AKTIP: variants seen among roughly 807,000 people sequenced by gnomAD.
AKTIP encodes AKT interacting protein, also known as AKT-interacting protein.
A neutral mutation model predicts 39.1 loss-of-function variants in AKTIP; 16 were observed. That is an observed-to-expected ratio of 0.41 (90% CI 0.28 to 0.62). The LOEUF is 0.62. AKTIP is among the 20% of genes least tolerant of loss of function. AKTIP has a pLI of 0.32. For synonymous variants in AKTIP, 93 were observed against 124.3 expected (o/e 0.75, Z 1.67); for missense variants, 262 against 356.6 (o/e 0.73, Z 2.14).
At chr16:53,503,573 T>C (rs1043254521), upstream of AKTIP, among the ~76,000 whole-genome samples, 5 of 152,158 alleles carry the variant, frequency 3.3e-5, no homozygotes, top group Non-Finnish European at 4.4e-5. Flanking sequence ...GGCCAGGGCG[T>C]CTGCCAGTCA....
chr16:53,503,621 A>C (rs1962320019), upstream of AKTIP, among the ~76,000 whole-genome samples: 1 of 152,204 alleles, frequency 6.6e-6, no homozygotes, highest in Admixed American at 6.5e-5. Context: ...CGCACAGCCC[A>C]CAGCGCAACC....
Position 53,494,054 on chromosome 16 carries a change from T to C in AKTIP, c.710+84A>G. On this transcript the variant is annotated intron_variant, in intron 8 of 9. Transcript: ENST00000394657. ...CAGCTTATGCATGTGCCTTTTTATATCCCTATTCTGAGACCACCTGGAGAA... is the reference window on the plus strand; with the variant it reads ...CAGCTTATGCATGTGCCTTTTTATACCCCTATTCTGAGACCACCTGGAGAA... 2.8e-6 allele frequency: 3 copies of C among 1,060,820 alleles called. No individual in the cohort carries two copies. In the East Asian group the frequency reaches 7.1e-5, roughly 25 times the overall value. The allele number at this position is 1,060,820 out of a possible 1,614,324, so 65.7% of individuals were successfully genotyped here.
upstream of AKTIP, among the ~76,000 whole-genome samples, chr16:53,504,118 C>T (rs1403717238): frequency 6.8e-6 from 1 of 146,596 alleles, no homozygotes; most frequent in Non-Finnish European, 1.5e-5. Context: ...TTAATTCACA[C>T]GCTCTCATTT....
chr16:53,497,868 C>T (rs1961934944), intron 3 of AKTIP, among the ~76,000 whole-genome samples: 1 of 152,230 alleles, frequency 6.6e-6, no homozygotes. Context: ...TCTGCCTCAG[C>T]CTCCCGAGTA....
rs187699167 is a variant in AKTIP, at chr16:53,495,819, C to G, written c.249-493G>C. On this transcript the variant is annotated intron_variant, in intron 3 of 9. Transcript: ENST00000394657. ...ATTAAGATTTCTTGGAATTGGGTCA[C>G]AAAGTTGTCATTTTACATTTTAATC... Among the ~76,000 whole-genome samples the G allele has an allele frequency of 1.1e-4, 16 of 152,286 alleles. No individual in the cohort carries two copies. The East Asian group carries it at 2.7e-3, about 26-fold the overall frequency.
At chr16:53,495,773 T>C (rs1382525251) in intron 3 of AKTIP, among the ~76,000 whole-genome samples, 3 of 152,376 alleles carry the variant, frequency 2.0e-5, no homozygotes, top group South Asian at 4.1e-4. Flanking sequence ...TCAAAAACTT[T>C]TAAAATACAA....
chr16:53,498,424 G>T lies in AKTIP; in HGVS notation c.215C>A (p.Pro72His). The change falls in exon 3 of 10, where the codon CCC (proline) becomes CAC (histidine). Residue 72 changes from proline (P) to histidine (H), a missense_variant. Transcript: ENST00000394657. ...AAGAAGAGAGTATTCCAGGTAGAAG[G>T]GTCCATAGGACGCATGCGTGCCATT... is the stretch of plus-strand genomic sequence containing the variant. ...STNGTHASYG[P>H]FYLEYSLLAE... 6.2e-7 allele frequency: 1 copy of T among 1,613,948 alleles called. No individual in the cohort carries two copies. Among genetic ancestry groups the T allele is most frequent in the Non-Finnish European group, 8.5e-7 (1 of 1,179,852 alleles).
intron 3 of AKTIP, 129 bp from the exon 4 acceptor site, chr16:53,495,455 A>G (rs1217664636): frequency 1.3e-6 from 1 of 788,936 alleles, no homozygotes; most frequent in Non-Finnish European, 2.1e-6. Flanking sequence ...CCTGCAAGCC[A>G]AGTTCTCACA....
chr16:53,492,357 T>C lies in AKTIP; in HGVS notation c.*55A>G, dbSNP rs2150843504. ...GGCAGTCCTCTGCCATTGGTCAGCT[T>C]GAACTAGGCCAGAGTCTAGCAGGAA... On this transcript the variant is annotated 3_prime_UTR_variant, in exon 10 of 10. Coordinates refer to ENST00000394657, the MANE Select transcript of AKTIP (RefSeq NM_022476.4). The C allele has an allele frequency of 6.6e-7, 1 of 1,507,998 alleles. No homozygotes were observed. Among genetic ancestry groups the C allele is most frequent in the East Asian group, 2.3e-5 (1 of 44,314 alleles). The allele number at this position is 1,507,998 out of a possible 1,614,324, so 93.4% of individuals were successfully genotyped here.
intron 2 of AKTIP, 114 bp downstream of exon 2, chr16:53,500,104 A>C: frequency 1.4e-6 from 1 of 720,762 alleles, no homozygotes; most frequent in South Asian, 1.9e-5. Flanking sequence ...AAAACCAGGT[A>C]ATTTTGTCAA....
chr16:53,497,729 A>T (rs1278028579), intron 3 of AKTIP, among the ~76,000 whole-genome samples: 1 of 152,234 alleles, frequency 6.6e-6, no homozygotes, highest in Non-Finnish European at 1.5e-5. Context: ...ATAAACGAAG[A>T]CTAAATTTAT....
upstream of AKTIP, among the ~76,000 whole-genome samples, chr16:53,503,548 C>G (rs987334889): frequency 6.6e-6 from 1 of 152,222 alleles, no homozygotes; most frequent in African/African-American, 2.4e-5. Flanking sequence ...GACAAACAAG[C>G]GCCGGGTCAC....
intron 8 of AKTIP, 63 bp downstream of exon 8, chr16:53,494,075 G>A (rs1420162984): frequency 2.4e-6 from 3 of 1,265,492 alleles, no homozygotes; most frequent in Middle Eastern, 4.4e-4. Context: ...AGACCACCTG[G>A]AGAAAGGAAG....
chr16:53,494,233 A>C lies in AKTIP; in HGVS notation c.615T>G (p.Asp205Glu), dbSNP rs1313357996. ...CAACTTTACTTTTAAAAAGCTGAATATCTTTTTCATACCTGTGTTAAAAGT... is the reference window on the plus strand; with the variant it reads ...CAACTTTACTTTTAAAAAGCTGAATCTCTTTTTCATACCTGTGTTAAAAGT... The part of the protein sequence containing the change: ...NPEAAVLYEK[D>E]IQLFKSKVVD... The change falls in exon 8 of 10, where the codon GAT becomes GAG. Residue 205 changes from aspartate to glutamate, a missense_variant. Around this residue, in one of 4 missense-constraint regions of AKTIP, gnomAD observed 145 missense variants for 159.3 expected, o/e 0.91. Transcript: ENST00000394657. The C allele has an allele frequency of 4.3e-6, 7 of 1,614,136 alleles. No individual in the cohort carries two copies. The highest frequency in any genetic ancestry group is 5.9e-6 in the Non-Finnish European group (7 of 1,179,958).
rs569273132 is a variant in AKTIP, at chr16:53,491,223, T to A, written c.*1189A>T. 2.0e-5 allele frequency: 3 copies of A among 152,326 alleles called. No homozygotes were observed. Among genetic ancestry groups the A allele is most frequent in the East Asian group, 3.9e-4 (2 of 5,184 alleles). 9.4% of individuals were successfully genotyped at this position (152,326 alleles called of 1,614,324 possible). A position where few individuals can be genotyped will look rare whatever the true frequency, so the allele number is the denominator to read the frequency against. On this transcript the variant is annotated 3_prime_UTR_variant, in exon 10 of 10. Transcript: ENST00000394657. The stretch of plus-strand genomic sequence containing the variant: ...TATGAAAACTTATGACCTCTTCCTT[T>A]AGGAGGGAGTTATCTAAAAGAAATG...
intron 1 of AKTIP, among the ~76,000 whole-genome samples, chr16:53,500,673 C>T (rs916573366): frequency 5.9e-5 from 9 of 152,118 alleles, no homozygotes; most frequent in South Asian, 2.1e-4. Context: ...CCACCACGCC[C>T]GGCCAACAGT....
Sources: allele counts gnomAD v4.1 joint callset (sites outside exome capture counted in the v4.1 genomes callset), GRCh38; gene constraint gnomAD v4.1.1; regional missense constraint gnomAD v4.1.1; transcripts MANE v1.5; gene names NCBI Gene and HGNC (gene_info 2026-07-23, HGNC 2026-07-21).